BRAF: variants seen among roughly 807,000 people sequenced by gnomAD.
BRAF encodes B-Raf proto-oncogene, serine/threonine kinase.
In BRAF, 16 loss-of-function variants were observed where a neutral mutation model predicts 104.6. That is an observed-to-expected ratio of 0.15 (90% CI 0.10 to 0.23). The LOEUF (loss-of-function observed/expected upper bound fraction) is 0.23, where lower values mean the gene tolerates loss of function less well. BRAF is among the 10% of genes least tolerant of loss of function. The pLI, the probability that BRAF is intolerant of heterozygous loss-of-function variation, is 1.00. For synonymous variants in BRAF, 310 were observed against 341.6 expected (o/e 0.91, Z 1.02); for missense variants, 541 against 937.3 (o/e 0.58, Z 5.52).
intron 17 of BRAF, chr7:140,741,139 T>G (rs1468253327): frequency 6.6e-6 from 1 of 152,186 alleles, no homozygotes; most frequent in Non-Finnish European, 1.5e-5. Context: ...ATTCAGGTAT[T>G]CTTACTTGGC....
In BRAF at chr7:140,816,350, A is replaced by G. The variant is rs1304275728; in HGVS notation, c.505-7355T>C. ...TTGCTGTTGCTAAAAATAAAAGGAG[A>G]GGGAAGGTCTAGCATTTACTCTAGT... On this transcript the variant is annotated intron_variant, in intron 3 of 19. Transcript: ENST00000644969. Among the ~76,000 whole-genome samples, 3 of 152,184 alleles carry G rather than the reference A, an allele frequency of 2.0e-5. No individual in the cohort carries two copies. In the South Asian group the frequency reaches 6.2e-4, roughly 32 times the overall value.
intron 17 of BRAF, among the ~76,000 whole-genome samples, chr7:140,747,948 C>T (rs920919809): frequency 6.6e-6 from 1 of 152,296 alleles, no homozygotes; most frequent in South Asian, 2.1e-4. Flanking sequence ...CATGTTGTTA[C>T]ACACTCAAAG....
At chr7:140,774,960 A>G (rs989184708) in intron 14 of BRAF, among the ~76,000 whole-genome samples, 1 of 152,234 alleles carries the variant, frequency 6.6e-6, no homozygotes, top group Non-Finnish European at 1.5e-5. Flanking sequence ...GGCATTAGGC[A>G]TAAAATAATG....
rs1345139126 is a variant in BRAF, at chr7:140,781,590, T to C, written c.1538A>G (p.Lys513Arg). 1 of 1,613,706 alleles carries C rather than the reference T, an allele frequency of 6.2e-7. No individual in the cohort carries two copies. The highest frequency in any genetic ancestry group is 1.1e-5 in the South Asian group (1 of 91,090). ...TACATACTTACCATGCCACTTTCCC[T>C]TGTAGACTGTTCCAAATGATCCAGA... ...IGSGSFGTVY[K>R]GKWHGDVAVK... Residue 513 changes from lysine (K) to arginine (R), a missense_variant, in exon 12 of 20, where the codon AAG (lysine) becomes AGG (arginine). Lys to Arg is a conservative substitution (Grantham distance 26). Transcript: ENST00000644969.
intron 1 of BRAF, among the ~76,000 whole-genome samples, chr7:140,870,999 G>A (rs528849242): frequency 4.9e-4 from 75 of 152,006 alleles, no homozygotes; most frequent in South Asian, 6.2e-4. Flanking sequence ...AGGCTGAGGC[G>A]GGCAGACCAC....
intron 1 of BRAF, among the ~76,000 whole-genome samples, chr7:140,866,179 T>A (rs567037205): frequency 6.6e-6 from 1 of 152,206 alleles, no homozygotes; most frequent in Non-Finnish European, 1.5e-5. Flanking sequence ...TGTGAAACAA[T>A]AGATGTAGTG....
At position 140,724,363 on chromosome 7, in the gene BRAF, C is replaced by T; in HGVS notation, c.*2131G>A. 9.5e-7 allele frequency: 1 copy of T among 1,055,062 alleles called. No individual in the cohort carries two copies. The highest frequency in any genetic ancestry group is 1.1e-6 in the Non-Finnish European group (1 of 872,904). 65.4% of individuals were successfully genotyped at this position (1,055,062 alleles called of 1,614,324 possible). On this transcript the variant is annotated 3_prime_UTR_variant, in exon 20 of 20. Coordinates refer to ENST00000644969, the MANE Select transcript of BRAF (RefSeq NM_001374258.1). ...GGAACACAGCCACATTTAAAAGCAT[C>T]TAGAGATATATTTAAAAAGAAAAAA... is the stretch of plus-strand genomic sequence containing the variant.
intron 13 of BRAF, 104 bp from the exon 13 acceptor site, chr7:140,777,192 G>T: frequency 8.0e-7 from 1 of 1,248,402 alleles, no homozygotes. Flanking sequence ...GTCAGAAAAA[G>T]CTTTTTTTTT....
intron 2 of BRAF, among the ~76,000 whole-genome samples, chr7:140,837,281 A>G (rs1807446890): frequency 6.6e-6 from 1 of 152,212 alleles, no homozygotes; most frequent in South Asian, 2.1e-4. Flanking sequence ...AGTCTTTACA[A>G]AAGCAATAAA....
At chr7:140,747,377 TCA>T in intron 17 of BRAF, 1 of 1,277,528 alleles carries the variant, frequency 7.8e-7, no homozygotes, top group Non-Finnish European at 1.0e-6. Flanking sequence ...CTTCTGTTGG[TCA>T]CACATTCCTC....
Position 140,722,219 on chromosome 7 carries a change from TA to T in BRAF, c.*4274del. ...TGACTATACTAGGGATTATGTGCTTTAAAAAAATAATTTTGTTCACTGAAAA... is the reference window on the plus strand; with the variant it reads ...TGACTATACTAGGGATTATGTGCTTTAAAAAATAATTTTGTTCACTGAAAA... On this transcript the variant is annotated 3_prime_UTR_variant, in exon 20 of 20. Coordinates refer to ENST00000644969, the MANE Select transcript of BRAF (RefSeq NM_001374258.1). 9.5e-7 allele frequency: 1 copy of T among 1,056,436 alleles called. No homozygotes were observed. The highest frequency in any genetic ancestry group is 1.1e-6 in the Non-Finnish European group (1 of 873,556). The allele number at this position is 1,056,436 out of a possible 1,614,324, so 65.4% of individuals were successfully genotyped here.
intron 1 of BRAF, among the ~76,000 whole-genome samples, chr7:140,905,581 A>G (rs1365814510): frequency 6.6e-6 from 1 of 152,126 alleles, no homozygotes; most frequent in Non-Finnish European, 1.5e-5. Flanking sequence ...CAGTGTAACA[A>G]TCTTTGGCTT....
At chr7:140,840,611 C>A (rs1032315796) in intron 2 of BRAF, among the ~76,000 whole-genome samples, 2 of 151,688 alleles carry the variant, frequency 1.3e-5, no homozygotes, top group Non-Finnish European at 2.9e-5. Context: ...GGCAACATGG[C>A]AAATCCCCAT....
At chr7:140,838,886 T>C (rs1807628649) in intron 2 of BRAF, among the ~76,000 whole-genome samples, 1 of 152,196 alleles carries the variant, frequency 6.6e-6, no homozygotes, top group Admixed American at 6.5e-5. Flanking sequence ...TTTGTGGGAA[T>C]GATAAAAATA....
At chr7:140,908,191 A>G (rs1466946851) in intron 1 of BRAF, among the ~76,000 whole-genome samples, 2 of 152,168 alleles carry the variant, frequency 1.3e-5, no homozygotes, top group Non-Finnish European at 2.9e-5. Flanking sequence ...CACAGTGCCA[A>G]TTGGATGCAT....
At chr7:140,759,343 G>A (rs1798472008) in intron 14 of BRAF, among the ~76,000 whole-genome samples, 1 of 152,162 alleles carries the variant, frequency 6.6e-6, no homozygotes, top group African/African-American at 2.4e-5. Flanking sequence ...AGTTCCAGTT[G>A]TTCTTTATCC....
chr7:140,836,527 A>G (rs1807358174), intron 2 of BRAF, among the ~76,000 whole-genome samples: 1 of 152,062 alleles, frequency 6.6e-6, no homozygotes, highest in South Asian at 2.1e-4. Flanking sequence ...TGAGGAAGAG[A>G]TTTAAACTTC....
chr7:140,750,560 T>C (rs1032147175), intron 16 of BRAF, among the ~76,000 whole-genome samples: 3 of 152,204 alleles, frequency 2.0e-5, no homozygotes, highest in African/African-American at 7.2e-5. Flanking sequence ...GGAAGATCTG[T>C]GGGATGTCCT....
chr7:140,827,890 A>G (rs1468000796), intron 3 of BRAF, among the ~76,000 whole-genome samples: 1 of 152,110 alleles, frequency 6.6e-6, no homozygotes, highest in Non-Finnish European at 1.5e-5. Context: ...TGGACACTGA[A>G]ATTTTATTTA....
Sources: gnomAD v4.1 joint callset for allele counts (sites outside exome capture counted in the v4.1 genomes callset) on GRCh38, gnomAD v4.1.1 for gene constraint, MANE v1.5 for transcripts, NCBI Gene and HGNC (gene_info 2026-07-23, HGNC 2026-07-21) for gene names.